EVI5: variants seen among roughly 807,000 people sequenced by gnomAD.
The protein encoded by EVI5 is ecotropic viral integration site 5.
Under a neutral mutation model 112.0 loss-of-function variants are expected in EVI5, and 73 were observed. The ratio of observed to expected loss-of-function variants is 0.65; its 90% CI spans 0.54 to 0.79. The LOEUF is 0.79. Ranked by LOEUF, EVI5 falls within the 30% of genes least tolerant of loss-of-function variation. The pLI, the probability that EVI5 is intolerant of heterozygous loss-of-function variation, is 0.00. For synonymous variants in EVI5, 305 were observed against 319.9 expected (o/e 0.95, Z 0.50); for missense variants, 900 against 968.8 (o/e 0.93, Z 0.94).
At chr1:92,688,782 A>G (rs944969261) in intron 9 of EVI5, among the ~76,000 whole-genome samples, 1 of 152,212 alleles carries the variant, frequency 6.6e-6, no homozygotes, top group Non-Finnish European at 1.5e-5. Flanking sequence ...CTAACATATA[A>G]TTTTAATAAT....
chr1:92,659,174 T>C (rs903155771), intron 13 of EVI5, among the ~76,000 whole-genome samples: 1 of 152,126 alleles, frequency 6.6e-6, no homozygotes, highest in South Asian at 2.1e-4. Context: ...GAAGAACCTA[T>C]CTGCTCATTG....
chr1:92,791,706 A>G (rs373262679), intron 1 of EVI5, among the ~76,000 whole-genome samples: 1 of 152,186 alleles, frequency 6.6e-6, no homozygotes, highest in South Asian at 2.1e-4. Context: ...AGCCAGGTAC[A>G]AACATTAGCT....
chr1:92,612,749 A>C (rs1448095652), intron 16 of EVI5, among the ~76,000 whole-genome samples: 1 of 151,530 alleles, frequency 6.6e-6, no homozygotes, highest in African/African-American at 2.4e-5. Flanking sequence ...AAAGCCAGCC[A>C]AACTAAGTTC....
intron 19 of EVI5, among the ~76,000 whole-genome samples, chr1:92,521,565 C>A (rs1660938320): frequency 6.6e-6 from 1 of 152,060 alleles, no homozygotes; most frequent in Admixed American, 6.6e-5. Context: ...GTGGTGTGTG[C>A]CTGTAATCCC....
At chr1:92,790,402 A>T (rs749470253) in intron 1 of EVI5, among the ~76,000 whole-genome samples, 17 of 152,184 alleles carry the variant, frequency 1.1e-4, no homozygotes, top group Admixed American at 2.0e-4. Context: ...CTACTGTCTG[A>T]CAGCACAAAT....
chr1:92,612,538 T>C (rs1421085082), intron 16 of EVI5, among the ~76,000 whole-genome samples: 2 of 151,490 alleles, frequency 1.3e-5, no homozygotes, highest in Admixed American at 6.6e-5. Flanking sequence ...GTGAAACCCC[T>C]GTCTCCACTA....
At chr1:92,563,816 A>T in intron 18 of EVI5, 79 bp from the exon 19 acceptor site, 1 of 790,498 alleles carries the variant, frequency 1.3e-6, no homozygotes, top group South Asian at 1.6e-5. Context: ...AAGGTATAGG[A>T]AAAGCATAGG....
intron 5 of EVI5, among the ~76,000 whole-genome samples, chr1:92,699,150 C>T (rs1382270256): frequency 6.6e-6 from 1 of 152,046 alleles, no homozygotes; most frequent in African/African-American, 2.4e-5. Flanking sequence ...CTTGGCAAAA[C>T]CTGCACTTCT....
In EVI5 at chr1:92,697,728, A is replaced by G. The variant is rs1412479686; in HGVS notation, c.765+132T>C. 6.8e-6 allele frequency: 5 copies of G among 731,042 alleles called. No homozygotes were observed. The African/African-American group carries it at 8.9e-5, about 13-fold the overall frequency. The allele number at this position is 731,042 out of a possible 1,614,324, so 45.3% of individuals were successfully genotyped here. On this transcript the variant is annotated intron_variant, in intron 6 of 19. Transcript: ENST00000684568. ...TTGTACATTAACCAACCAAAAAACA[A>G]TCATGTAATTAAAACACTTACTTCT... is the stretch of plus-strand genomic sequence containing the variant.
intron 19 of EVI5, among the ~76,000 whole-genome samples, chr1:92,559,762 A>G (rs754489141): frequency 4.2e-5 from 5 of 120,388 alleles, no homozygotes; most frequent in Non-Finnish European, 6.5e-5. Context: ...AGACAGAGCA[A>G]GACTCCCTCT....
At chr1:92,560,353 T>C (rs1482905846) in intron 19 of EVI5, among the ~76,000 whole-genome samples, 4 of 152,140 alleles carry the variant, frequency 2.6e-5, no homozygotes, top group Non-Finnish European at 5.9e-5. Flanking sequence ...TAAACTACTG[T>C]ATTAGAAGTC....
Position 92,697,999 on chromosome 1 carries a change from A to C in EVI5, c.640-14T>G. 6.2e-7 allele frequency: 1 copy of C among 1,602,714 alleles called. No homozygotes were observed. Among genetic ancestry groups the C allele is most frequent in the Non-Finnish European group, 8.5e-7 (1 of 1,175,436 alleles). ...TTCTTCTGGCATCTACATTGGAAGA[A>C]AAAAAAACAACATAGGTTAATGTTC... On this transcript the variant is annotated splice_polypyrimidine_tract_variant and intron_variant, in intron 5 of 19. Transcript: ENST00000684568.
Position 92,704,631 on chromosome 1 carries a change from T to C in EVI5, c.263A>G (p.Glu88Gly). 1 of 1,605,268 alleles carries C rather than the reference T, an allele frequency of 6.2e-7. No individual in the cohort carries two copies. Among genetic ancestry groups the C allele is most frequent in the Non-Finnish European group, 8.5e-7 (1 of 1,174,952 alleles). ...SASSNLSHLE[E>G]DSWILWGRIV... Reference sequence around the variant, plus strand: ...TCTTCCCCAAAGAATCCAAGAATCTTCTTCAAGGTGACTGAGGTTGCTAGA... The same window carrying C: ...TCTTCCCCAAAGAATCCAAGAATCTCCTTCAAGGTGACTGAGGTTGCTAGA... Residue 88 changes from glutamate to glycine, a missense_variant, in exon 3 of 20, where the codon GAA becomes GGA. Glu to Gly is a moderately conservative substitution (Grantham distance 98). Coordinates refer to ENST00000684568, the MANE Select transcript of EVI5 (RefSeq NM_001350197.2).
intron 1 of EVI5, among the ~76,000 whole-genome samples, chr1:92,778,342 C>A (rs1307743611): frequency 1.3e-5 from 2 of 152,154 alleles, no homozygotes; most frequent in African/African-American, 4.8e-5. Flanking sequence ...CAAGTGAATG[C>A]TGAACAGTTA....
At chr1:92,715,782 T>C (rs1273500953) in intron 2 of EVI5, among the ~76,000 whole-genome samples, 1 of 152,004 alleles carries the variant, frequency 6.6e-6, no homozygotes, top group African/African-American at 2.4e-5. Context: ...CCAACAGTCT[T>C]AGCAAATGGT....
rs910406658 is a variant in EVI5, at chr1:92,512,789, C to T, written c.*867G>A. ...TAAAGGCTTTGTGTGTGGGGACTTT[C>T]AGTGGCCCACCAATAATTTTCATGA... On this transcript the variant is annotated 3_prime_UTR_variant, in exon 20 of 20. Coordinates refer to ENST00000684568, the MANE Select transcript of EVI5 (RefSeq NM_001350197.2). The T allele has an allele frequency of 6.6e-6, 1 of 151,688 alleles. No homozygotes were observed. Among genetic ancestry groups the T allele is most frequent in the Non-Finnish European group, 1.5e-5 (1 of 67,934 alleles). 9.4% of individuals were successfully genotyped at this position (151,688 alleles called of 1,614,324 possible).
At chr1:92,556,672 C>T (rs749125296) in intron 19 of EVI5, among the ~76,000 whole-genome samples, 2 of 152,018 alleles carry the variant, frequency 1.3e-5, no homozygotes, top group Non-Finnish European at 2.9e-5. Context: ...AAAATGAGTA[C>T]ATGTATTAAA....
intron 1 of EVI5, among the ~76,000 whole-genome samples, chr1:92,737,951 C>G (rs1677721422): frequency 6.6e-6 from 1 of 152,134 alleles, no homozygotes; most frequent in Non-Finnish European, 1.5e-5. Flanking sequence ...GAACTTACTT[C>G]CTTTAGAAAT....
chr1:92,718,706 A>G (rs1674208528), intron 2 of EVI5, among the ~76,000 whole-genome samples: 1 of 152,212 alleles, frequency 6.6e-6, no homozygotes, highest in Admixed American at 6.5e-5. Context: ...GCAGAACTGA[A>G]GGAGATAGAG....
Sources: gnomAD v4.1 joint callset for allele counts (sites outside exome capture counted in the v4.1 genomes callset) on GRCh38, gnomAD v4.1.1 for gene constraint, MANE v1.5 for transcripts, NCBI Gene and HGNC (gene_info 2026-07-23, HGNC 2026-07-21) for gene names.